Variants in CSMD2 observed in about 807,000 individuals in gnomAD.
CSMD2 encodes CUB and sushi domain-containing protein 2.
A neutral mutation model predicts 398.5 loss-of-function variants in CSMD2; 130 were observed. The ratio of observed to expected loss-of-function variants is 0.33; its 90% CI spans 0.28 to 0.38. The LOEUF is 0.38. Among genes scored for constraint, CSMD2 ranks in the 10% least tolerant of loss-of-function variants. The probability of loss-of-function intolerance (pLI) is 1.00; values close to 1 mark genes in which losing one functional copy is unlikely to be tolerated. For missense variants in CSMD2, 3,829 were observed against 4,764.9 expected, an observed-to-expected ratio of 0.80 and a Z score of 5.78; for synonymous variants, 1,828 against 1,908.5, an observed-to-expected ratio of 0.96 and a Z score of 1.10.
At chr1:33,962,045 A>T (rs1345747317) in intron 3 of CSMD2, among the ~76,000 whole-genome samples, 7 of 152,186 alleles carry the variant, frequency 4.6e-5, no homozygotes, top group African/African-American at 7.2e-5. Context: ...CCTAGTAAGG[A>T]CTCAATAAAT....
chr1:33,660,029 G>T (rs958425143), intron 26 of CSMD2, among the ~76,000 whole-genome samples: 1 of 152,230 alleles, frequency 6.6e-6, no homozygotes, highest in Admixed American at 6.5e-5. Flanking sequence ...CTGTACACAT[G>T]TAAATGTTCC....
intron 3 of CSMD2, among the ~76,000 whole-genome samples, chr1:33,998,655 G>C (rs907708126): frequency 1.3e-5 from 2 of 152,224 alleles, no homozygotes; most frequent in African/African-American, 2.4e-5. Context: ...TGGCACAGGT[G>C]AAAGAGCCTG....
chr1:33,773,208 G>A (rs1394406694), intron 12 of CSMD2, among the ~76,000 whole-genome samples: 1 of 152,194 alleles, frequency 6.6e-6, no homozygotes, highest in Non-Finnish European at 1.5e-5. Context: ...CAGATCTCAA[G>A]TACAGTCCAT....
intron 24 of CSMD2, among the ~76,000 whole-genome samples, chr1:33,698,482 G>C (rs1645495924): frequency 6.6e-6 from 1 of 152,164 alleles, no homozygotes; most frequent in Admixed American, 6.5e-5. Flanking sequence ...ACAATTTTGA[G>C]GGCATGACTT....
rs553300341 is a variant in CSMD2, at chr1:33,829,939, A to G, written c.1034-4165T>C. Among the ~76,000 whole-genome samples the G allele has an allele frequency of 5.9e-4, 90 of 152,332 alleles. 1 individual carries two copies. Among genetic ancestry groups the G allele is most frequent in the Non-Finnish European group, 1.1e-3 (75 of 68,024 alleles). ...GCAGTCTGAGATCAAACTGCAAGGC[A>G]GCAGCAAGGCGGGGGGAGGGGCGCC... On this transcript the variant is annotated intron_variant, in intron 6 of 70. Coordinates refer to ENST00000373381, the MANE Select transcript of CSMD2 (RefSeq NM_001281956.2).
intron 42 of CSMD2, among the ~76,000 whole-genome samples, chr1:33,604,214 C>T (rs2148816014): frequency 6.6e-6 from 1 of 152,274 alleles, no homozygotes; most frequent in Middle Eastern, 3.4e-3. Context: ...GGAAGAAAGC[C>T]CAGGATGAGG....
At chr1:33,930,569 C>A (rs947588073) in intron 4 of CSMD2, among the ~76,000 whole-genome samples, 2 of 152,350 alleles carry the variant, frequency 1.3e-5, no homozygotes, top group East Asian at 1.9e-4. Context: ...TTTCTCCCTA[C>A]CACCTGCCTC....
chr1:33,961,782 G>A (rs1645370604), intron 3 of CSMD2, among the ~76,000 whole-genome samples: 1 of 152,076 alleles, frequency 6.6e-6, no homozygotes, highest in African/African-American at 2.4e-5. Context: ...GGACACGCTG[G>A]CTTCCCTTCA....
intron 37 of CSMD2, 90 bp downstream of exon 37, chr1:33,622,077 C>G: frequency 1.1e-6 from 1 of 936,566 alleles, no homozygotes; most frequent in Non-Finnish European, 1.7e-6. Context: ...GGACAATATG[C>G]AGCTCCAGTT....
At chr1:34,120,578 C>T (rs1268842812) in intron 1 of CSMD2, among the ~76,000 whole-genome samples, 1 of 152,104 alleles carries the variant, frequency 6.6e-6, no homozygotes, top group Non-Finnish European at 1.5e-5. Flanking sequence ...GAGTTTTGCT[C>T]TTGTTGCCCA....
At chr1:33,844,817 G>A (rs529246908) in intron 6 of CSMD2, among the ~76,000 whole-genome samples, 11 of 152,236 alleles carry the variant, frequency 7.2e-5, no homozygotes, top group African/African-American at 2.2e-4. Context: ...ATACACTGGC[G>A]CACACTAACA....
chr1:33,548,552 T>G (rs911217471), intron 56 of CSMD2, among the ~76,000 whole-genome samples: 1 of 152,116 alleles, frequency 6.6e-6, no homozygotes, highest in African/African-American at 2.4e-5. Context: ...GACTAAAAAC[T>G]TTGACCTGGA....
chr1:33,975,878 C>T (rs1029485887), intron 3 of CSMD2, among the ~76,000 whole-genome samples: 7 of 152,206 alleles, frequency 4.6e-5, no homozygotes, highest in Non-Finnish European at 7.3e-5. Flanking sequence ...GTGTATTCCT[C>T]GCTCCCTCCA....
intron 3 of CSMD2, among the ~76,000 whole-genome samples, chr1:33,986,718 A>G (rs1646370521): frequency 6.6e-6 from 1 of 152,200 alleles, no homozygotes; most frequent in Non-Finnish European, 1.5e-5. Flanking sequence ...AGTCTCTCAG[A>G]CAGGGCTCCT....
At chr1:33,761,344 G>C (rs945134681) in intron 13 of CSMD2, among the ~76,000 whole-genome samples, 2 of 152,230 alleles carry the variant, frequency 1.3e-5, no homozygotes, top group African/African-American at 2.4e-5. Flanking sequence ...GATCCTATGA[G>C]TGATACTCGT....
chr1:34,135,436 T>C (rs1019797569), intron 1 of CSMD2, among the ~76,000 whole-genome samples: 3 of 151,906 alleles, frequency 2.0e-5, no homozygotes, highest in African/African-American at 7.3e-5. Context: ...TTGACCAACA[T>C]GGTGAAACCC....
intron 13 of CSMD2, among the ~76,000 whole-genome samples, chr1:33,755,507 ACT>A (rs930308458): frequency 1.3e-5 from 2 of 152,130 alleles, no homozygotes; most frequent in Admixed American, 6.6e-5. Flanking sequence ...CAGTCTAGAA[ACT>A]CACACACATT....
intron 55 of CSMD2, among the ~76,000 whole-genome samples, chr1:33,551,120 G>A (rs566836974): frequency 1.8e-4 from 28 of 152,192 alleles, no homozygotes; most frequent in Admixed American, 2.6e-4. Flanking sequence ...CAAAATTTTG[G>A]AGAAGAGTAT....
intron 6 of CSMD2, among the ~76,000 whole-genome samples, chr1:33,844,286 G>GT (rs781579556): frequency 1.4e-4 from 16 of 111,400 alleles, no homozygotes; most frequent in East Asian, 3.4e-4. Flanking sequence ...CTGTGTGTGT[G>GT]TGGGGGGGCG....
Sources: allele counts gnomAD v4.1 joint callset (sites outside exome capture counted in the v4.1 genomes callset), GRCh38; gene constraint gnomAD v4.1.1; transcripts MANE v1.5; gene names NCBI Gene and HGNC (gene_info 2026-07-23, HGNC 2026-07-21).